Variants in ATP9B observed in about 807,000 individuals in gnomAD.
ATP9B encodes the protein probable phospholipid-transporting ATPase IIB.
ATP9B carries 110 observed loss-of-function variants against 146.1 expected under a neutral mutation model. That is an observed-to-expected ratio of 0.75 (90% CI 0.65 to 0.88). The LOEUF (loss-of-function observed/expected upper bound fraction) is 0.88, where lower values mean the gene tolerates loss of function less well. Ranked by LOEUF, ATP9B falls within the 40% of genes least tolerant of loss-of-function variation. The pLI, the probability that ATP9B is intolerant of heterozygous loss-of-function variation, is 0.00. For missense variants in ATP9B, 1,499 were observed against 1,496.4 expected, an observed-to-expected ratio of 1.00 and a Z score of -0.03; for synonymous variants, 604 against 569.7, an observed-to-expected ratio of 1.06 and a Z score of -0.86.
intron 7 of ATP9B, among the ~76,000 whole-genome samples, chr18:79,167,659 C>T (rs7231915): frequency 0.067 from 10,259 of 152,154 alleles, 417 homozygotes; most frequent in Non-Finnish European, 0.095. Context: ...AGGGAGGAAG[C>T]GCATGCTGAT....
chr18:79,158,095 T>C (rs1424992932), intron 7 of ATP9B, among the ~76,000 whole-genome samples: 3 of 152,146 alleles, frequency 2.0e-5, no homozygotes, highest in Non-Finnish European at 4.4e-5. Flanking sequence ...GGTGGAAAGT[T>C]AGATTATTTA....
intron 9 of ATP9B, among the ~76,000 whole-genome samples, chr18:79,197,756 A>G (rs2095429979): frequency 6.6e-6 from 1 of 152,224 alleles, no homozygotes; most frequent in Non-Finnish European, 1.5e-5. Flanking sequence ...AGTAGAAAAC[A>G]AAGAGCAGCA....
At chr18:79,072,333 A>G (rs2071953712) in intron 1 of ATP9B, among the ~76,000 whole-genome samples, 1 of 151,990 alleles carries the variant, frequency 6.6e-6, no homozygotes, top group Admixed American at 6.5e-5. Flanking sequence ...GGTACTTGAG[A>G]TTAGGGAGTG....
At chr18:79,353,408 G>C (rs1274344639) in intron 25 of ATP9B, 2 of 152,402 alleles carry the variant, frequency 1.3e-5, no homozygotes, top group Non-Finnish European at 2.9e-5. Flanking sequence ...GATCTCCACA[G>C]ACTGGGAAAA....
chr18:79,175,729 CAT>C (rs1227188928), intron 7 of ATP9B, among the ~76,000 whole-genome samples: 1 of 152,134 alleles, frequency 6.6e-6, no homozygotes, highest in Non-Finnish European at 1.5e-5. Flanking sequence ...TGTACACAAA[CAT>C]ACACACAAGC....
At chr18:79,212,689 A>G (rs2095595312) in intron 10 of ATP9B, among the ~76,000 whole-genome samples, 1 of 152,152 alleles carries the variant, frequency 6.6e-6, no homozygotes, top group South Asian at 2.1e-4. Flanking sequence ...AAAGCTTTTT[A>G]TAGTATTGTA....
At chr18:79,073,089 C>T (rs2072126092) in intron 1 of ATP9B, among the ~76,000 whole-genome samples, 1 of 151,408 alleles carries the variant, frequency 6.6e-6, no homozygotes, top group East Asian at 1.9e-4. Flanking sequence ...GGCGGAGACG[C>T]TCCTCACTTC....
chr18:79,180,220 A>G (rs1326806507), intron 8 of ATP9B, among the ~76,000 whole-genome samples: 2 of 151,950 alleles, frequency 1.3e-5, no homozygotes, highest in African/African-American at 4.8e-5. Context: ...CTGCATTTTT[A>G]TTGTGTACAT....
chr18:79,103,685 G>A (rs1178360752), intron 2 of ATP9B, among the ~76,000 whole-genome samples: 1 of 152,072 alleles, frequency 6.6e-6, no homozygotes, highest in Non-Finnish European at 1.5e-5. Context: ...GGGAAAATTT[G>A]GTCACGCTTT....
At chr18:79,329,416 T>C in intron 16 of ATP9B, 114 bp downstream of exon 16, 13 of 1,236,670 alleles carry the variant, frequency 1.1e-5, no homozygotes, top group Non-Finnish European at 1.4e-5. Context: ...CTTTATGCTG[T>C]TACAGTTTTG....
intron 29 of ATP9B, 151 bp downstream of exon 29, chr18:79,375,577 T>TG: frequency 1.4e-6 from 2 of 1,472,372 alleles, no homozygotes; most frequent in Non-Finnish European, 1.8e-6. Context: ...GCCATGTGCT[T>TG]GCTCGGCTAG....
intron 5 of ATP9B, among the ~76,000 whole-genome samples, chr18:79,127,836 G>A (rs2094312707): frequency 6.6e-6 from 1 of 152,156 alleles, no homozygotes; most frequent in African/African-American, 2.4e-5. Context: ...AGCAATGGAT[G>A]AGGGTTCCAG....
rs534538711 is a variant in ATP9B at position 79,330,672 on chromosome 18, C to G, written c.2028+568C>G. ...TCGTGATCCGCCCGTGTCGGCCTCC[C>G]AAAGTGCTGGCATTATATGCATGAG... On this transcript the variant is annotated intron_variant, in intron 17 of 29. Transcript: ENST00000426216. Among the ~76,000 whole-genome samples the G allele has an allele frequency of 6.9e-4, 105 of 152,264 alleles. 1 individual carries two copies. Among genetic ancestry groups the G allele is most frequent in the Middle Eastern group, 6.8e-3 (2 of 294 alleles).
intron 13 of ATP9B, among the ~76,000 whole-genome samples, chr18:79,294,557 A>G (rs1599710125): frequency 6.6e-6 from 1 of 152,252 alleles, no homozygotes; most frequent in South Asian, 2.1e-4. Flanking sequence ...TCAAGGAAGA[A>G]AGAGATGGAG....
At chr18:79,254,337 A>G (rs1422869241) in intron 12 of ATP9B, 2 of 152,260 alleles carry the variant, frequency 1.3e-5, no homozygotes, top group Non-Finnish European at 2.9e-5. Flanking sequence ...CTAAAAGGTG[A>G]TGTCTCTTCC....
chr18:79,376,264 A>T, intron 29 of ATP9B: 1 of 984,948 alleles, frequency 1.0e-6, no homozygotes, highest in Non-Finnish European at 1.2e-6. Flanking sequence ...CAAATCCCAC[A>T]GGTTAGGTGA....
chr18:79,336,705 C>G lies in ATP9B; in HGVS notation c.2106C>G (p.Asp702Glu). The change falls in exon 18 of 30, where the codon GAC becomes GAG. Residue 702 changes from aspartate to glutamate, a missense_variant. Coordinates refer to ENST00000426216, the MANE Select transcript of ATP9B (RefSeq NM_198531.5). ...KKALTEEQYQ[D>E]FESRYTQAKL... ...CGTTGACAGAGGAGCAGTACCAGGA[C>G]TTTGAGGTGAGCCGACTCCCAGCCA... 6.2e-7 allele frequency: 1 copy of G among 1,613,968 alleles called. No homozygotes were observed. Among genetic ancestry groups the G allele is most frequent in the Non-Finnish European group, 8.5e-7 (1 of 1,179,988 alleles).
intron 2 of ATP9B, among the ~76,000 whole-genome samples, chr18:79,102,048 CCA>C (rs2075319411): frequency 6.6e-6 from 1 of 152,096 alleles, no homozygotes; most frequent in African/African-American, 2.4e-5. Context: ...TGGGTCCAAG[CCA>C]TTCTCCTGCC....
At chr18:79,160,844 T>A (rs2094868791) in intron 7 of ATP9B, among the ~76,000 whole-genome samples, 3 of 152,218 alleles carry the variant, frequency 2.0e-5, no homozygotes, top group Admixed American at 1.3e-4. Context: ...CGATCTCGGC[T>A]CACTGCAACC....
Sources: allele counts gnomAD v4.1 joint callset (sites outside exome capture counted in the v4.1 genomes callset), GRCh38; gene constraint gnomAD v4.1.1; transcripts MANE v1.5; gene names NCBI Gene and HGNC (gene_info 2026-07-23, HGNC 2026-07-21).